The following TRAFD1 variants were observed in gnomAD, a reference collection of about 807,000 sequenced individuals.
TRAFD1 encodes the protein TRAF-type zinc finger domain containing 1.
Under a neutral mutation model 65.3 loss-of-function variants are expected in TRAFD1, and 38 were observed. The observed-to-expected ratio is 0.58, with a 90% confidence interval of 0.45 to 0.76. The LOEUF (loss-of-function observed/expected upper bound fraction) is 0.76. TRAFD1 is among the 30% of genes least tolerant of loss of function. The probability of loss-of-function intolerance (pLI) is 0.00; values close to 1 mark genes in which losing one functional copy is unlikely to be tolerated. For synonymous variants in TRAFD1, 223 were observed against 257.2 expected (o/e 0.87, Z 1.27); for missense variants, 631 against 712.6 (o/e 0.89, Z 1.30).
rs1422413580 is a variant in TRAFD1 at position 112,140,966 on chromosome 12, AAGACTCACCC to A, written c.386_395del (p.Lys129MetfsTer48). 1 of 1,614,192 alleles carries A rather than the reference AAGACTCACCC, an allele frequency of 6.2e-7. No individual in the cohort carries two copies. Among genetic ancestry groups the A allele is most frequent in the Admixed American group, 1.7e-5 (1 of 60,012 alleles). ...TCGCAATGTCCTTGTGAAAGATCTGAAGACTCACCCTGAAGTTTGTGGGAGAGAGGGGGAG... is the reference window on the plus strand; with the variant it reads ...TCGCAATGTCCTTGTGAAAGATCTGATGAAGTTTGTGGGAGAGAGGGGGAG... On this transcript the variant is annotated frameshift_variant, in exon 5 of 12. Coordinates refer to ENST00000412615, the MANE Select transcript of TRAFD1 (RefSeq NM_006700.3). LOFTEE classifies it high-confidence loss of function.
intron 2 of TRAFD1, among the ~76,000 whole-genome samples, chr12:112,133,822 A>G (rs1363710124): frequency 6.7e-6 from 1 of 148,950 alleles, no homozygotes; most frequent in African/African-American, 2.5e-5. Context: ...CTCCTGCCTC[A>G]GCCTCCCGAG....
chr12:112,141,924 T>C (rs1029912790), intron 5 of TRAFD1, 165 bp from the exon 6 acceptor site: 1 of 689,358 alleles, frequency 1.5e-6, no homozygotes, highest in African/African-American at 1.8e-5. Flanking sequence ...GACTTTAATG[T>C]TCAAAGCTAG....
intron 4 of TRAFD1, 102 bp from the exon 5 acceptor site, chr12:112,140,717 G>T: frequency 2.9e-6 from 4 of 1,363,692 alleles, no homozygotes; most frequent in Non-Finnish European, 4.0e-6. Context: ...TCAAGGGTTG[G>T]AAGAGAAGAT....
At position 112,152,777 on chromosome 12, in the gene TRAFD1, G is replaced by A. The variant is rs2030445203; in HGVS notation, c.1735G>A (p.Glu579Lys). 1 of 1,614,076 alleles carries A rather than the reference G, an allele frequency of 6.2e-7. No homozygotes were observed. The highest frequency in any genetic ancestry group is 1.3e-5 in the African/African-American group (1 of 74,916). The change falls in exon 12 of 12, where the codon GAA (glutamate) becomes AAA (lysine). Residue 579 changes from glutamate to lysine, a missense_variant. Physicochemically the swap from Glu to Lys is moderately conservative, Grantham distance 56. Transcript: ENST00000412615. This position sits in a 1 kb window ranked among gnomAD's most constrained non-coding sequence, Gnocchi z 5.0. The stretch of plus-strand genomic sequence containing the variant: ...ACAGGGAGCTGGGGATGCAGAAGAG[G>A]AAGAGGAGGAGTAATGGTGTCTCCA... ...KQQGAGDAEE[E>K]EEE
At position 112,149,808 on chromosome 12, in the gene TRAFD1, A is replaced by G. The variant is rs775760794; in HGVS notation, c.1216A>G (p.Arg406Gly). The G allele has an allele frequency of 6.2e-7, 1 of 1,614,190 alleles. No homozygotes were observed. Among genetic ancestry groups the G allele is most frequent in the Non-Finnish European group, 8.5e-7 (1 of 1,180,010 alleles). Reference protein sequence around the residue: ...ATNHVTEGIPRLDSQPQETSP... With the variant: ...ATNHVTEGIPGLDSQPQETSP... Reference sequence around the variant, plus strand: ...CAACCATGTGACAGAGGGGATTCCTAGACTGGATTCCCAGCCTCAAGAGAC... The same window carrying G: ...CAACCATGTGACAGAGGGGATTCCTGGACTGGATTCCCAGCCTCAAGAGAC... The change falls in exon 9 of 12, where the codon AGA (arginine) becomes GGA (glycine). Residue 406 changes from arginine to glycine, a missense_variant. Arg to Gly is a moderately radical substitution (Grantham distance 125). Coordinates refer to ENST00000412615, the MANE Select transcript of TRAFD1 (RefSeq NM_006700.3).
chr12:112,151,814 T>C lies in TRAFD1; in HGVS notation c.1293T>C (p.Ser431=). Residue 431 remains serine (S), a synonymous_variant, in exon 10 of 12, where the codon TCT becomes TCC. Coordinates refer to ENST00000412615, the MANE Select transcript of TRAFD1 (RefSeq NM_006700.3). ...TTCTCTTCTCAGGAGACCTGTCTTC[T>C]GGTTACCTGGATGATACTAAGCAGG... The part of the protein sequence containing the change: ...RRVRHQGDLS[S]GYLDDTKQET... 1 of 1,613,048 alleles carries C rather than the reference T, an allele frequency of 6.2e-7. No homozygotes were observed. The highest frequency in any genetic ancestry group is 8.5e-7 in the Non-Finnish European group (1 of 1,179,064).
rs1388250327 is a variant in TRAFD1 at position 112,130,687 on chromosome 12, A to G, written c.47+118A>G. The G allele has an allele frequency of 2.5e-6, 2 of 806,990 alleles. No homozygotes were observed. Among genetic ancestry groups the G allele is most frequent in the East Asian group, 5.7e-5 (2 of 34,990 alleles). The allele number at this position is 806,990 out of a possible 1,614,324, so 50.0% of individuals were successfully genotyped here. ...GGCACAGTCTTGAGTTAAGCTTTCT[A>G]TTTTGGTGTTTATAACCCACATGAA... On this transcript the variant is annotated intron_variant, in intron 2 of 11. Coordinates refer to ENST00000412615, the MANE Select transcript of TRAFD1 (RefSeq NM_006700.3). The surrounding 1 kb of genome is among the most constrained non-coding windows in gnomAD (Gnocchi z 4.4).
chr12:112,127,381 C>A (rs1483149297), intron 1 of TRAFD1, among the ~76,000 whole-genome samples: 1 of 152,194 alleles, frequency 6.6e-6, no homozygotes, highest in East Asian at 1.9e-4. Flanking sequence ...TTTTTCTCTA[C>A]CACTAAATCG....
intron 2 of TRAFD1, among the ~76,000 whole-genome samples, chr12:112,133,675 A>G (rs2079577148): frequency 6.6e-6 from 1 of 150,896 alleles, no homozygotes; most frequent in Non-Finnish European, 1.5e-5. Flanking sequence ...GTAACTCAGA[A>G]TGTTGCACAG....
rs2030441540 is a variant in TRAFD1, at chr12:112,152,631, G to C, written c.1693-104G>C. The C allele has an allele frequency of 6.3e-7, 1 of 1,599,534 alleles. No homozygotes were observed. The highest frequency in any genetic ancestry group is 8.6e-7 in the Non-Finnish European group (1 of 1,169,460). ...CAAAGATTGTTCCTTTGGCTTTTGA[G>C]AAGGAGGTTTCTAAGGAAGCGGGAC... On this transcript the variant is annotated intron_variant, in intron 11 of 11. Transcript: ENST00000412615. The surrounding 1 kb of genome is among the most constrained non-coding windows in gnomAD (Gnocchi z 5.0).
At chr12:112,126,400 CTT>C (rs2079537900) in intron 1 of TRAFD1, among the ~76,000 whole-genome samples, 1 of 152,174 alleles carries the variant, frequency 6.6e-6, no homozygotes, top group African/African-American at 2.4e-5. Context: ...CGCCCGTTTC[CTT>C]GACCCTTTGA....
rs2030354359 is a variant in TRAFD1, at chr12:112,149,841, G to C, written c.1249G>C (p.Glu417Gln). The C allele has an allele frequency of 6.2e-7, 1 of 1,614,178 alleles. No homozygotes were observed. Among genetic ancestry groups the C allele is most frequent in the Non-Finnish European group, 8.5e-7 (1 of 1,180,020 alleles). ...TTCCCAGCCTCAAGAGACCTCACCA[G>C]AGCTGCCCAGGAGGCGTGTCAGACA... The part of the protein sequence containing the change: ...LDSQPQETSP[E>Q]LPRRRVRHQG... Residue 417 changes from glutamate to glutamine, a missense_variant, in exon 9 of 12, where the codon GAG (glutamate) becomes CAG (glutamine). Physicochemically the swap from Glu to Gln is conservative, Grantham distance 29 (BLOSUM62 2). Coordinates refer to ENST00000412615, the MANE Select transcript of TRAFD1 (RefSeq NM_006700.3).
Position 112,149,740 on chromosome 12 carries a change from T to C in TRAFD1, c.1159-11T>C. 1 of 1,613,956 alleles carries C rather than the reference T, an allele frequency of 6.2e-7. No homozygotes were observed. The highest frequency in any genetic ancestry group is 8.5e-7 in the Non-Finnish European group (1 of 1,179,882). ...AATTCAGAGGTACTAATTCTGGTTT[T>C]TCTTGTTTAGGACCAGTGTGACCAA... is the stretch of plus-strand genomic sequence containing the variant. On this transcript the variant is annotated splice_polypyrimidine_tract_variant and intron_variant, in intron 8 of 11. Transcript: ENST00000412615.
chr12:112,144,567 G>A (rs1320716759), intron 6 of TRAFD1, among the ~76,000 whole-genome samples: 3 of 152,146 alleles, frequency 2.0e-5, no homozygotes, highest in African/African-American at 4.8e-5. Context: ...CACCATGCCC[G>A]GCTGGCTTGG....
intron 5 of TRAFD1, chr12:112,141,628 G>C (rs551830502): frequency 3.0e-4 from 63 of 207,574 alleles, no homozygotes; most frequent in African/African-American, 1.4e-3. Flanking sequence ...TCAAATTTTG[G>C]ATTTTTGGAT....
intron 7 of TRAFD1, among the ~76,000 whole-genome samples, chr12:112,145,911 T>C (rs186680895): frequency 1.4e-4 from 21 of 149,940 alleles, no homozygotes; most frequent in Admixed American, 1.4e-3. Flanking sequence ...CAGTAAACTA[T>C]CGCAAGGACA....
chr12:112,150,424 G>A (rs1394858395), intron 9 of TRAFD1, among the ~76,000 whole-genome samples: 2 of 151,696 alleles, frequency 1.3e-5, no homozygotes, highest in African/African-American at 2.4e-5. Context: ...TAATTTTTTT[G>A]TTTTTGTAGA....
intron 2 of TRAFD1, among the ~76,000 whole-genome samples, chr12:112,133,931 C>T (rs2079579691): frequency 6.6e-6 from 1 of 151,102 alleles, no homozygotes; most frequent in South Asian, 2.1e-4. Context: ...GTCTTGAACT[C>T]CTAACTTCAA....
At chr12:112,144,693 CA>C (rs1371362008) in intron 6 of TRAFD1, among the ~76,000 whole-genome samples, 1 of 152,150 alleles carries the variant, frequency 6.6e-6, no homozygotes. Flanking sequence ...CCATCCTGGG[CA>C]ACAGAGTCAG....
Sources: allele counts gnomAD v4.1 joint callset (sites outside exome capture counted in the v4.1 genomes callset), GRCh38; gene constraint gnomAD v4.1.1; non-coding constraint Gnocchi (gnomAD v3.1); transcripts MANE v1.5; gene names NCBI Gene and HGNC (gene_info 2026-07-23, HGNC 2026-07-21).